FKBP5: variants seen among roughly 807,000 people sequenced by gnomAD.
FKBP5 encodes peptidyl-prolyl cis-trans isomerase FKBP5.
A neutral mutation model predicts 50.5 loss-of-function variants in FKBP5; 23 were observed. That is an observed-to-expected ratio of 0.46 (90% CI 0.33 to 0.65). The LOEUF is 0.65. FKBP5 is among the 30% of genes least tolerant of loss of function. The probability of loss-of-function intolerance (pLI) is 0.02; values close to 1 mark genes in which losing one functional copy is unlikely to be tolerated. For missense variants in FKBP5, 411 were observed against 553.1 expected (o/e 0.74, Z 2.58); for synonymous variants, 176 against 190.6 (o/e 0.92, Z 0.63).
intron 6 of FKBP5, among the ~76,000 whole-genome samples, chr6:35,591,721 CA>C (rs1214142333): frequency 2.0e-5 from 3 of 152,108 alleles, no homozygotes; most frequent in African/African-American, 4.8e-5. Context: ...CTTCCAGTCA[CA>C]TAAGTGAAGG....
rs757308229 is a variant in FKBP5, at chr6:35,573,655, T to TAA, written c.*2178_*2179dup. 7.2e-5 allele frequency: 11 copies of TAA among 151,932 alleles called. No individual in the cohort carries two copies. The highest frequency in any genetic ancestry group is 2.7e-4 in the African/African-American group (11 of 41,338). The allele number at this position is 151,932 out of a possible 1,614,324, so 9.4% of individuals were successfully genotyped here. ...GTGCATCTAAATGATTTTTTTTTTT[T>TAA]AAAAACAATGTCTTTAATTCCTCAT... On this transcript the variant is annotated 3_prime_UTR_variant, in exon 11 of 11. Transcript: ENST00000357266.
At chr6:35,694,225 A>C (rs539025502) in intron 2 of FKBP5, among the ~76,000 whole-genome samples, 2 of 152,264 alleles carry the variant, frequency 1.3e-5, no homozygotes, top group Non-Finnish European at 2.9e-5. Context: ...GGCTCACTGC[A>C]GCCTTGACCA....
chr6:35,667,532 C>A (rs1466258258), intron 1 of FKBP5, among the ~76,000 whole-genome samples: 1 of 152,106 alleles, frequency 6.6e-6, no homozygotes, highest in East Asian at 1.9e-4. Flanking sequence ...TTATTAGAAG[C>A]ATAATCTGTG....
chr6:35,706,612 G>A (rs147939558), intron 2 of FKBP5, among the ~76,000 whole-genome samples: 21 of 152,248 alleles, frequency 1.4e-4, no homozygotes, highest in Non-Finnish European at 2.6e-4. Context: ...AGCCATTTTC[G>A]TTTGTGGGAG....
intron 1 of FKBP5, among the ~76,000 whole-genome samples, chr6:35,722,715 C>T (rs1766633620): frequency 6.6e-6 from 1 of 152,218 alleles, no homozygotes; most frequent in African/African-American, 2.4e-5. Context: ...GAACGTCCTG[C>T]ACCCTTGCTC....
intron 2 of FKBP5, among the ~76,000 whole-genome samples, chr6:35,711,191 C>A (rs758721298): frequency 5.3e-5 from 8 of 151,864 alleles, no homozygotes; most frequent in Non-Finnish European, 7.4e-5. Flanking sequence ...GTGGCTCGCA[C>A]CTGTAGTCCC....
upstream of FKBP5, among the ~76,000 whole-genome samples, chr6:35,689,924 C>A (rs1765951779): frequency 6.6e-6 from 1 of 152,198 alleles, no homozygotes; most frequent in Non-Finnish European, 1.5e-5. Flanking sequence ...GAGTTACTCC[C>A]ATAGAGATGC....
At chr6:35,686,414 G>A (rs1242781914) in intron 1 of FKBP5, among the ~76,000 whole-genome samples, 1 of 152,154 alleles carries the variant, frequency 6.6e-6, no homozygotes, top group Non-Finnish European at 1.5e-5. Flanking sequence ...CAACTTTATT[G>A]TATGTGGTTT....
At chr6:35,585,740 A>T in intron 8 of FKBP5, 1 of 982,294 alleles carries the variant, frequency 1.0e-6, no homozygotes, top group Non-Finnish European at 1.2e-6. Flanking sequence ...TTACTCATAC[A>T]CAAGCAAAGT....
At chr6:35,703,033 TG>T (rs1766218694) in intron 2 of FKBP5, among the ~76,000 whole-genome samples, 1 of 152,158 alleles carries the variant, frequency 6.6e-6, no homozygotes, top group East Asian at 1.9e-4. Flanking sequence ...GCAGATCACC[TG>T]AGGTCAGGAG....
In FKBP5 at chr6:35,597,319, A is replaced by G; in HGVS notation, c.594T>C (p.Ile198=). The change falls in exon 6 of 11, where the codon ATT becomes ATC. Residue 198 remains isoleucine, a synonymous_variant. Coordinates refer to ENST00000357266, the MANE Select transcript of FKBP5 (RefSeq NM_004117.4). ...FTVGEGEDHD[I]PIGIDKALEK... The stretch of plus-strand genomic sequence containing the variant: ...CCAGAGCTTTGTCAATTCCAATTGG[A>G]ATGTCGTGGTCTTCTCCTTCGCCCA... 6.2e-7 allele frequency: 1 copy of G among 1,614,076 alleles called. No homozygotes were observed. The highest frequency in any genetic ancestry group is 8.5e-7 in the Non-Finnish European group (1 of 1,180,002).
Position 35,580,141 on chromosome 6 carries a change from CT to C in FKBP5, c.920del (p.Lys307ArgfsTer15). 6.2e-7 allele frequency: 1 copy of C among 1,614,060 alleles called. No individual in the cohort carries two copies. On this transcript the variant is annotated frameshift_variant, in exon 9 of 11. Coordinates refer to ENST00000357266, the MANE Select transcript of FKBP5 (RefSeq NM_004117.4). LOFTEE classifies it high-confidence loss of function. The stretch of plus-strand genomic sequence containing the variant: ...GAAATGATTCAGAAGCTTTCGATTC[CT>C]TTTCTGATAAACCATATTCCATCTC... ...WLEMEYGLSE[K>X]ESKASESFLL...
chr6:35,579,384 T>G (rs1474808475), intron 9 of FKBP5, among the ~76,000 whole-genome samples: 1 of 152,170 alleles, frequency 6.6e-6, no homozygotes, highest in Non-Finnish European at 1.5e-5. Context: ...TTACCCACAG[T>G]ATAATATATA....
At chr6:35,623,257 A>G (rs1431644484) in intron 3 of FKBP5, among the ~76,000 whole-genome samples, 2 of 152,230 alleles carry the variant, frequency 1.3e-5, no homozygotes, top group Non-Finnish European at 2.9e-5. Context: ...TAAATAAATA[A>G]ATAAAGAGTT....
Position 35,694,203 on chromosome 6 carries a change from T to C in FKBP5, c.-20+26125A>G, listed in dbSNP as rs550423690. On this transcript the variant is annotated intron_variant, in intron 2 of 11. Transcript: ENST00000536438. ...CTCTGTCACCTAGGCCGGAGTGCGGTGGCGTGATCATGGCTCACTGCAGCC... is the reference window on the plus strand; with the variant it reads ...CTCTGTCACCTAGGCCGGAGTGCGGCGGCGTGATCATGGCTCACTGCAGCC... Among the ~76,000 whole-genome samples, 4 of 152,318 alleles carry C rather than the reference T, an allele frequency of 2.6e-5. No individual in the cohort carries two copies. The South Asian group carries it at 8.3e-4, about 32-fold the overall frequency.
chr6:35,588,519 T>C (rs1028958135), intron 7 of FKBP5, among the ~76,000 whole-genome samples: 1 of 152,166 alleles, frequency 6.6e-6, no homozygotes, highest in Non-Finnish European at 1.5e-5. Flanking sequence ...CTTCAGTCTT[T>C]ATGGAATTTT....
In FKBP5 at chr6:35,694,727, G is replaced by A. The variant is rs546735080; in HGVS notation, c.-20+25601C>T. ...TTTCTTTTTAGTGTGTGTTTTTTACGGTTCCCCTTTACTCAATTGTGCAGT... is the reference window on the plus strand; with the variant it reads ...TTTCTTTTTAGTGTGTGTTTTTTACAGTTCCCCTTTACTCAATTGTGCAGT... On this transcript the variant is annotated intron_variant, in intron 2 of 11. Transcript: ENST00000536438. Among the ~76,000 whole-genome samples, 9 of 152,044 alleles carry A rather than the reference G, an allele frequency of 5.9e-5. No individual in the cohort carries two copies. In the East Asian group the frequency reaches 7.7e-4, roughly 13 times the overall value.
chr6:35,706,471 A>G (rs1197011033), intron 2 of FKBP5, among the ~76,000 whole-genome samples: 1 of 151,996 alleles, frequency 6.6e-6, no homozygotes, highest in Non-Finnish European at 1.5e-5. Flanking sequence ...AAAAAGAAAT[A>G]CATAAGAGGA....
At chr6:35,605,046 G>A (rs933553293) in intron 5 of FKBP5, among the ~76,000 whole-genome samples, 39 of 152,094 alleles carry the variant, frequency 2.6e-4, no homozygotes, top group African/African-American at 9.2e-4. Context: ...GCCTCCCAAA[G>A]TGCTGGGATT....
Sources: gnomAD v4.1 joint callset for allele counts (sites outside exome capture counted in the v4.1 genomes callset) on GRCh38, gnomAD v4.1.1 for gene constraint, MANE v1.5 for transcripts, NCBI Gene and HGNC (gene_info 2026-07-23, HGNC 2026-07-21) for gene names.